Variants in PDLIM3 observed in about 807,000 individuals in gnomAD.
PDLIM3 encodes PDZ and LIM domain 3.
PDLIM3 carries 36 observed loss-of-function variants against 37.3 expected under a neutral mutation model. The observed-to-expected ratio is 0.97, with a 90% CI of 0.74 to 1.28. The LOEUF (loss-of-function observed/expected upper bound fraction) is 1.28. Ranked by LOEUF, PDLIM3 falls within the 50% of genes most tolerant of loss-of-function variation. The pLI, the probability that PDLIM3 is intolerant of heterozygous loss-of-function variation, is 0.00. For synonymous variants in PDLIM3, 174 were observed against 182.4 expected (o/e 0.95, Z 0.37); for missense variants, 454 against 485.0 (o/e 0.94, Z 0.60).
In PDLIM3 at chr4:185,504,466, G is replaced by GTTAAA; in HGVS notation, c.905+8_905+9insTTTAA. 2 of 1,600,774 alleles carry GTTAAA rather than the reference G, an allele frequency of 1.2e-6. No individual in the cohort carries two copies. The highest frequency in any genetic ancestry group is 1.7e-6 in the Non-Finnish European group (2 of 1,167,946). On this transcript the variant is annotated intron_variant, in intron 7 of 7. Coordinates refer to ENST00000284767, the MANE Select transcript of PDLIM3 (RefSeq NM_014476.6). This position sits in a 1 kb window ranked among gnomAD's most constrained non-coding sequence, Gnocchi z 4.7. ...TATCGTAAATTCCAGGGTTAAAAGT[G>GTTAAA]AAACTTACACTATGCCACTCCCACA...
At chr4:185,519,055 T>C (rs554494262) in intron 3 of PDLIM3, among the ~76,000 whole-genome samples, 1 of 152,152 alleles carries the variant, frequency 6.6e-6, no homozygotes, top group Non-Finnish European at 1.5e-5. Flanking sequence ...AAGAGCTTCA[T>C]TAACATACTC....
chr4:185,519,987 T>TA (rs1331981499), intron 3 of PDLIM3, among the ~76,000 whole-genome samples: 1 of 152,166 alleles, frequency 6.6e-6, no homozygotes, highest in Non-Finnish European at 1.5e-5. Context: ...GTCATTTTGA[T>TA]AAAAAAGAAA....
intron 5 of PDLIM3, chr4:185,506,979 G>C (rs972173977): frequency 7.7e-6 from 2 of 258,120 alleles, no homozygotes; most frequent in African/African-American, 2.2e-5. Flanking sequence ...CATAATGATA[G>C]ATGTGAACAA....
At chr4:185,513,858 C>A in intron 4 of PDLIM3, 1 of 1,126,582 alleles carries the variant, frequency 8.9e-7, no homozygotes, top group Non-Finnish European at 1.1e-6. Context: ...AGAGCTTGCT[C>A]CTTATCATTC....
In PDLIM3 at chr4:185,513,481, G is replaced by A. The variant is rs370947005; in HGVS notation, c.398+789C>T. The A allele has an allele frequency of 5.2e-6, 5 of 953,874 alleles. No homozygotes were observed. In the African/African-American group the frequency reaches 8.9e-5, roughly 17 times the overall value. The allele number at this position is 953,874 out of a possible 1,614,324, so 59.1% of individuals were successfully genotyped here. ...GAGTGATGTGCATTTTGACAAGATG[G>A]TGAGTTTAAATGTTCTGTCTAAAGG... On this transcript the variant is annotated intron_variant, in intron 4 of 7. Transcript: ENST00000284767.
intron 7 of PDLIM3, among the ~76,000 whole-genome samples, chr4:185,503,171 C>A (rs1181128132): frequency 6.6e-6 from 1 of 152,096 alleles, no homozygotes; most frequent in Non-Finnish European, 1.5e-5. Flanking sequence ...TTGCAGTGAG[C>A]CGAGATCGCG....
intron 3 of PDLIM3, chr4:185,515,042 C>T (rs368207353): frequency 3.4e-6 from 2 of 582,928 alleles, no homozygotes; most frequent in South Asian, 5.7e-5. Context: ...ATAAACTTTT[C>T]CATGGTTTTC....
At chr4:185,511,860 C>A (rs1165738872) in intron 4 of PDLIM3, among the ~76,000 whole-genome samples, 1 of 152,044 alleles carries the variant, frequency 6.6e-6, no homozygotes, top group Non-Finnish European at 1.5e-5. Context: ...ATATTGTATG[C>A]ATATATCAAA....
At chr4:185,531,996 G>T (rs536105620) in intron 1 of PDLIM3, among the ~76,000 whole-genome samples, 286 of 151,228 alleles carry the variant, frequency 1.9e-3, no homozygotes, top group Non-Finnish European at 3.4e-3. Flanking sequence ...TACTTGGAAG[G>T]CTGAGGCAGG....
In PDLIM3 at chr4:185,504,505, G is replaced by T; in HGVS notation, c.875C>A (p.Pro292Gln). ...HGGSGGAQRM[P>Q]LCDKCGSGIV... ...GCCACTCCCACATTTGTCACAGAGC[G>T]GCATCCTCTGTGCCCCGCCTGAACC... Residue 292 changes from proline (P) to glutamine (Q), a missense_variant, in exon 7 of 8, where the codon CCG becomes CAG. Pro to Gln is a moderately conservative substitution (Grantham distance 76). Coordinates refer to ENST00000284767, the MANE Select transcript of PDLIM3 (RefSeq NM_014476.6). This position sits in a 1 kb window ranked among gnomAD's most constrained non-coding sequence, Gnocchi z 4.7. The T allele has an allele frequency of 6.2e-7, 1 of 1,613,840 alleles. No homozygotes were observed. The highest frequency in any genetic ancestry group is 8.5e-7 in the Non-Finnish European group (1 of 1,179,756).
Position 185,526,711 on chromosome 4 carries a change from A to T in PDLIM3, c.94-1540T>A, listed in dbSNP as rs150863391. Among the ~76,000 whole-genome samples, 580 of 152,162 alleles carry T rather than the reference A, an allele frequency of 3.8e-3. 7 individuals are homozygous for T. Among genetic ancestry groups the T allele is most frequent in the African/African-American group, 0.013 (537 of 41,504 alleles). On this transcript the variant is annotated intron_variant, in intron 1 of 7. Transcript: ENST00000284767. ...TCTTACATTATTCCTGCTCTCCCTC[A>T]TCCATGGTGCTGTGGCCATTCTGAT...
intron 4 of PDLIM3, chr4:185,513,279 A>G: frequency 1.0e-6 from 1 of 985,332 alleles, no homozygotes; most frequent in South Asian, 4.7e-5. Context: ...ATTGTCTGGC[A>G]TATTTTGAGA....
chr4:185,509,481 G>A (rs775594855), intron 4 of PDLIM3, among the ~76,000 whole-genome samples: 13 of 152,020 alleles, frequency 8.6e-5, no homozygotes, highest in Non-Finnish European at 1.9e-4. Flanking sequence ...CATGCACATC[G>A]AAGAACTAGG....
intron 4 of PDLIM3, among the ~76,000 whole-genome samples, chr4:185,511,638 A>G (rs1580244073): frequency 3.9e-5 from 6 of 152,144 alleles, no homozygotes; most frequent in Admixed American, 1.3e-4. Flanking sequence ...TGGGACTACA[A>G]GTGTGAGCCG....
chr4:185,506,793 T>C, intron 5 of PDLIM3, 141 bp from the exon 6 acceptor site: 1 of 702,554 alleles, frequency 1.4e-6, no homozygotes, highest in Non-Finnish European at 2.4e-6. Flanking sequence ...AGTGAATCTC[T>C]AGTATAGTTA....
At chr4:185,512,512 G>A (rs1379414740) in intron 4 of PDLIM3, 1 of 180,210 alleles carries the variant, frequency 5.5e-6, no homozygotes, top group African/African-American at 2.4e-5. Context: ...CATTATGAGT[G>A]GCTTGCCATT....
At chr4:185,506,965 G>T (rs1292521294) in intron 5 of PDLIM3, 2 of 298,056 alleles carry the variant, frequency 6.7e-6, no homozygotes, top group Non-Finnish European at 6.5e-6. Context: ...GAGTCTGATG[G>T]ATACATAATG....
At chr4:185,511,081 G>T (rs2095705766) in intron 4 of PDLIM3, among the ~76,000 whole-genome samples, 1 of 152,210 alleles carries the variant, frequency 6.6e-6, no homozygotes, top group African/African-American at 2.4e-5. Flanking sequence ...TACGTCATTT[G>T]ACAGATTGCT....
intron 6 of PDLIM3, among the ~76,000 whole-genome samples, chr4:185,505,910 T>A (rs1156252382): frequency 1.3e-5 from 2 of 152,184 alleles, no homozygotes; most frequent in African/African-American, 4.8e-5. Flanking sequence ...ACAGTCTATA[T>A]CTTTTGGGCA....
Sources: gnomAD v4.1 joint callset for allele counts (sites outside exome capture counted in the v4.1 genomes callset) on GRCh38, gnomAD v4.1.1 for gene constraint, Gnocchi (gnomAD v3.1) non-coding constraint, MANE v1.5 for transcripts, NCBI Gene and HGNC (gene_info 2026-07-23, HGNC 2026-07-21) for gene names.